The following MED12 variants were observed in gnomAD, a reference collection of about 807,000 sequenced individuals.
The protein encoded by MED12 is mediator of RNA polymerase II transcription subunit 12.
MED12 carries 10 observed loss-of-function variants against 177.7 expected under a neutral mutation model. That is an observed-to-expected ratio of 0.06 (90% CI 0.03 to 0.10). The LOEUF (loss-of-function observed/expected upper bound fraction) is 0.10. MED12 is among the 10% of genes least tolerant of loss of function. The pLI is 1.00. For synonymous variants in MED12, 641 were observed against 678.4 expected (o/e 0.94, Z 0.86); for missense variants, 867 against 1,780.8 (o/e 0.49, Z 9.23).
chrX:71,123,734 C>T lies in MED12; in HGVS notation c.1744+14C>T, dbSNP rs1263378137. 3 of 1,181,957 alleles carry T rather than the reference C, an allele frequency of 2.5e-6. No individual in the cohort carries two copies. The Admixed American group carries it at 7.2e-5, about 28-fold the overall frequency. ...CTCCCATGCTGAGTACGGACCCCTACCACTCTCTAGTTACCTCTGCCTAGA... is the reference window on the plus strand; with the variant it reads ...CTCCCATGCTGAGTACGGACCCCTATCACTCTCTAGTTACCTCTGCCTAGA... On this transcript the variant is annotated intron_variant, in intron 12 of 44. Coordinates refer to ENST00000374080, the MANE Select transcript of MED12 (RefSeq NM_005120.3).
intron 25 of MED12, 45 bp from the exon 26 acceptor site, chrX:71,129,271 C>G (rs369092804): frequency 2.6e-6 from 3 of 1,166,563 alleles, no homozygotes; most frequent in African/African-American, 3.6e-5. Context: ...CCCCTGCCTC[C>G]GTGGATTCTA....
intron 27 of MED12, 48 bp downstream of exon 27, chrX:71,129,903 T>C (rs1475237981): frequency 8.4e-7 from 1 of 1,196,066 alleles, no homozygotes; most frequent in Non-Finnish European, 1.1e-6. Context: ...CTGTGTAATA[T>C]AGTTCTGTTT....
intron 26 of MED12, 61 bp downstream of exon 26, chrX:71,129,490 T>C (rs2092311441): frequency 9.3e-6 from 9 of 970,741 alleles, no homozygotes; most frequent in Non-Finnish European, 1.3e-5. Flanking sequence ...CCAGCTAAAC[T>C]ACAAGGGACA....
chrX:71,124,519 C>A, intron 13 of MED12, 131 bp downstream of exon 13: 1 of 541,056 alleles, frequency 1.8e-6, no homozygotes, highest in Non-Finnish European at 3.1e-6. Context: ...GGTGATTGAC[C>A]AAGCACTCTC....
At chrX:71,135,367 C>A in intron 36 of MED12, 114 bp downstream of exon 36, 2 of 850,303 alleles carry the variant, frequency 2.4e-6, no homozygotes, top group Non-Finnish European at 1.7e-6. Context: ...GCCCATCAGT[C>A]TCTGCCGGTG....
chrX:71,125,643 C>T lies in MED12; in HGVS notation c.2372-20C>T. 1.4e-6 allele frequency: 1 copy of T among 728,861 alleles called. No homozygotes were observed. Among genetic ancestry groups the T allele is most frequent in the African/African-American group, 2.3e-5 (1 of 43,110 alleles). 60.1% of individuals were successfully genotyped at this position (728,861 alleles called of 1,213,427 possible). ...CTCTAGTCCTTTTGAAACTTCCCCC[C>T]TCATTCCCCCCCTCTACAGACCAGC... On this transcript the variant is annotated intron_variant, in intron 16 of 44. Coordinates refer to ENST00000374080, the MANE Select transcript of MED12 (RefSeq NM_005120.3).
chrX:71,134,230 C>CAAAAAAAAAAA, intron 33 of MED12, 127 bp from the exon 34 acceptor site: 1 of 301,852 alleles, frequency 3.3e-6, no homozygotes, highest in Non-Finnish European at 5.5e-6. Context: ...GACTCCGTCT[C>CAAAAAAAAAAA]AAAAAAAAAA....
In MED12 at chrX:71,119,358, G is replaced by T. The variant is rs757311606; in HGVS notation, c.100-15G>T. 2 of 1,168,185 alleles carry T rather than the reference G, an allele frequency of 1.7e-6. No homozygotes were observed. The highest frequency in any genetic ancestry group is 2.3e-6 in the Non-Finnish European group (2 of 866,274). Reference sequence around the variant, plus strand: ...CCTAAGGAAAAAACAACTAAACGCCGCTTTCCTGCCTCAGGATGAACTGAC... The same window carrying T: ...CCTAAGGAAAAAACAACTAAACGCCTCTTTCCTGCCTCAGGATGAACTGAC... On this transcript the variant is annotated splice_polypyrimidine_tract_variant and intron_variant, in intron 1 of 44. Coordinates refer to ENST00000374080, the MANE Select transcript of MED12 (RefSeq NM_005120.3).
intron 2 of MED12, 59 bp downstream of exon 2, chrX:71,119,536 G>A (rs1363322241): frequency 9.0e-7 from 1 of 1,106,703 alleles, no homozygotes; most frequent in Non-Finnish European, 1.2e-6. Flanking sequence ...AGGAGCAAAG[G>A]CCCTGGGTTG....
chrX:71,139,579 A>G (rs2092341359), intron 41 of MED12, among the ~76,000 whole-genome samples: 1 of 109,998 alleles, frequency 9.1e-6, no homozygotes, highest in African/African-American at 3.3e-5. Context: ...GAATGAATGG[A>G]TAGGATGTGT....
At chrX:71,123,415 G>T (rs1018130379) in intron 11 of MED12, among the ~76,000 whole-genome samples, 179 bp from the exon 12 acceptor site, 1 of 111,402 alleles carries the variant, frequency 9.0e-6, no homozygotes, top group Non-Finnish European at 1.9e-5. Flanking sequence ...ATTGTAGTAA[G>T]AGTTAGAGAT....
chrX:71,122,670 A>G (rs1229256681), intron 9 of MED12, 63 bp downstream of exon 9: 1 of 1,202,564 alleles, frequency 8.3e-7, no homozygotes, highest in Admixed American at 2.2e-5. Context: ...TAGTAAGGAC[A>G]TGTAGATCTA....
chrX:71,124,700 T>C (rs1569481278), intron 13 of MED12, 64 bp from the exon 14 acceptor site: 1 of 927,539 alleles, frequency 1.1e-6, no homozygotes, highest in East Asian at 3.1e-5. Flanking sequence ...CCAATGAAGT[T>C]TTACAGATGG....
At chrX:71,123,247 G>A (rs1414343338) in intron 11 of MED12, 21 bp downstream of exon 11, 2 of 1,210,644 alleles carry the variant, frequency 1.7e-6, no homozygotes, top group Admixed American at 4.3e-5. Context: ...AGAGATAAGA[G>A]AACAAGATTG....
Position 71,137,639 on chromosome X carries a change from A to G in MED12, c.5826+4A>G. On this transcript the variant is annotated splice_donor_region_variant and intron_variant, in intron 40 of 44. Transcript: ENST00000374080. The stretch of plus-strand genomic sequence containing the variant: ...CTACGGTTTGCAGACTTCCCAGGTA[A>G]GAGCCTGGGATTGTGAGACTAGGGG... 1.7e-6 allele frequency: 2 copies of G among 1,205,514 alleles called. No individual in the cohort carries two copies. Among genetic ancestry groups the G allele is most frequent in the Non-Finnish European group, 2.2e-6 (2 of 890,457 alleles).
chrX:71,141,304 G>A lies in MED12; in HGVS notation c.6342G>A (p.Gln2114=), dbSNP rs1368787318. 1 of 1,164,043 alleles carries A rather than the reference G, an allele frequency of 8.6e-7. No homozygotes were observed. The highest frequency in any genetic ancestry group is 1.9e-5 in the South Asian group (1 of 52,533). The change falls in exon 43 of 45, where the codon CAG becomes CAA. Residue 2114 remains glutamine, a synonymous_variant. Coordinates refer to ENST00000374080, the MANE Select transcript of MED12 (RefSeq NM_005120.3). ...AGCAGCAGCAGCAACAGCAACAACA[G>A]CAACACCAGCAGCAACAGCAGCAAC... ...QQQQQQQQQQ[Q]QHQQQQQQQA... is the part of the protein sequence containing the mutation.
At chrX:71,125,565 AG>A in intron 16 of MED12, 70 bp downstream of exon 16, 1 of 1,180,466 alleles carries the variant, frequency 8.5e-7, no homozygotes. Context: ...TCCCCAGTAT[AG>A]GGAACTCCCC....
chrX:71,134,318 T>C (rs1286180880), intron 33 of MED12, 39 bp from the exon 34 acceptor site: 11 of 798,553 alleles, frequency 1.4e-5, no homozygotes, highest in Non-Finnish European at 2.0e-5. Flanking sequence ...CTGGCCTTTG[T>C]CCCTGAGCCA....
In MED12 at chrX:71,119,671, C is replaced by T. The variant is rs1290828665; in HGVS notation, c.205-15C>T. On this transcript the variant is annotated splice_polypyrimidine_tract_variant and intron_variant, in intron 2 of 44. Transcript: ENST00000374080. ...CCCCTTCTTCCCACCCTGAGGTACACTTTTCTTCCCTCAGATCAGTTCCAA... is the reference window on the plus strand; with the variant it reads ...CCCCTTCTTCCCACCCTGAGGTACATTTTTCTTCCCTCAGATCAGTTCCAA... The T allele has an allele frequency of 7.4e-6, 9 of 1,208,737 alleles. No homozygotes were observed. Among genetic ancestry groups the T allele is most frequent in the Non-Finnish European group, 1.0e-5 (9 of 892,959 alleles).
Sources: allele counts gnomAD v4.1 joint callset (sites outside exome capture counted in the v4.1 genomes callset), GRCh38; gene constraint gnomAD v4.1.1; transcripts MANE v1.5; gene names NCBI Gene and HGNC (gene_info 2026-07-23, HGNC 2026-07-21).